SLC25A42: variants seen among roughly 807,000 people sequenced by gnomAD.
The protein encoded by SLC25A42 is solute carrier family 25 member 42, also known as mitochondrial coenzyme A transporter SLC25A42.
A neutral mutation model predicts 34.7 loss-of-function variants in SLC25A42; 19 were observed. That is an observed-to-expected ratio of 0.55 (90% CI 0.38 to 0.80). The LOEUF is 0.80. Among genes scored for constraint, SLC25A42 ranks in the 30% least tolerant of loss-of-function variants. The pLI is 0.00. For synonymous variants in SLC25A42, 205 were observed against 191.2 expected, an observed-to-expected ratio of 1.07 and a Z score of -0.59; for missense variants, 364 against 441.3, an observed-to-expected ratio of 0.82 and a Z score of 1.57.
intron 3 of SLC25A42, among the ~76,000 whole-genome samples, chr19:19,102,743 AAAATAAATAAATAAAT>A (rs140086036): frequency 3.4e-4 from 50 of 148,658 alleles, no homozygotes; most frequent in South Asian, 1.1e-3. Flanking sequence ...CTCTGTCTCA[AAAATAAATAAATAAAT>A]AAATAAATAA....
intron 1 of SLC25A42, among the ~76,000 whole-genome samples, chr19:19,072,003 G>GGTGGTGA (rs2059632993): frequency 6.6e-6 from 1 of 152,372 alleles, no homozygotes; most frequent in East Asian, 1.9e-4. Context: ...GGGCGACCCA[G>GGTGGTGA]GATGAATGAG....
intron 5 of SLC25A42, chr19:19,106,020 C>T (rs1275300798): frequency 1.8e-6 from 1 of 555,138 alleles, no homozygotes; most frequent in African/African-American, 1.9e-5. Flanking sequence ...CCCCCAGGGC[C>T]GTAGGGAAAA....
intron 2 of SLC25A42, among the ~76,000 whole-genome samples, chr19:19,096,420 G>A (rs80341032): frequency 0.041 from 6,192 of 152,088 alleles, 166 homozygotes; most frequent in South Asian, 0.081. Context: ...AGGGTGGAGT[G>A]GTGGAGCCTC....
intron 1 of SLC25A42, among the ~76,000 whole-genome samples, chr19:19,070,489 G>C (rs529744115): frequency 4.6e-5 from 7 of 151,774 alleles, no homozygotes; most frequent in Non-Finnish European, 1.0e-4. Context: ...GTAGAGACAC[G>C]GTTTTGCCAC....
chr19:19,107,671 A>C (rs1186540626), intron 6 of SLC25A42, among the ~76,000 whole-genome samples: 3 of 152,182 alleles, frequency 2.0e-5, no homozygotes, highest in Non-Finnish European at 4.4e-5. Context: ...AGGGCTGAGC[A>C]CTTGCTTCCC....
At chr19:19,082,794 G>A (rs1421638194) in intron 1 of SLC25A42, among the ~76,000 whole-genome samples, 1 of 151,878 alleles carries the variant, frequency 6.6e-6, no homozygotes, top group Non-Finnish European at 1.5e-5. Flanking sequence ...CTACAGGTAT[G>A]TGCCACCAAG....
chr19:19,089,646 T>A (rs2059727512), intron 1 of SLC25A42, among the ~76,000 whole-genome samples: 1 of 151,514 alleles, frequency 6.6e-6, no homozygotes, highest in South Asian at 2.1e-4. Flanking sequence ...GGAGGGTGGA[T>A]CACCTGAGGT....
At chr19:19,110,476 G>A (rs1191565077) in intron 7 of SLC25A42, 93 bp from the exon 8 acceptor site, 2 of 1,071,986 alleles carry the variant, frequency 1.9e-6, no homozygotes, top group African/African-American at 1.7e-5. Flanking sequence ...TGTGCACGCA[G>A]GTTGCTCCTA....
In SLC25A42 at chr19:19,096,104, G is replaced by A. The variant is rs531501610; in HGVS notation, c.-21G>A. ...TTACCCCCCCAGGACCGAGTCTCCT[G>A]CCATTCCGAGCAGGCCTGGTATGGG... On this transcript the variant is annotated 5_prime_UTR_variant, in exon 2 of 8. Transcript: ENST00000318596. 6.8e-6 allele frequency: 11 copies of A among 1,611,304 alleles called. No homozygotes were observed. In the African/African-American group the frequency reaches 1.2e-4, roughly 18 times the overall value.
At position 19,092,200 on chromosome 19, in the gene SLC25A42, A is replaced by G. The variant is rs554242906; in HGVS notation, c.-34-3891A>G. Among the ~76,000 whole-genome samples, 10 of 152,268 alleles carry G rather than the reference A, an allele frequency of 6.6e-5. No individual in the cohort carries two copies. The South Asian group carries it at 2.1e-3, about 32-fold the overall frequency. On this transcript the variant is annotated intron_variant, in intron 1 of 7. Transcript: ENST00000318596. ...GCACTTAGGGCCCACCCTAACCCTCATCTAGAGATCTTGCCTTAATCACAT... is the reference window on the plus strand; with the variant it reads ...GCACTTAGGGCCCACCCTAACCCTCGTCTAGAGATCTTGCCTTAATCACAT...
intron 1 of SLC25A42, among the ~76,000 whole-genome samples, chr19:19,090,726 G>A (rs549431526): frequency 1.3e-5 from 2 of 152,280 alleles, no homozygotes; most frequent in South Asian, 4.2e-4. Context: ...AGCAAGGCCT[G>A]TTTGTTCAGG....
intron 1 of SLC25A42, among the ~76,000 whole-genome samples, chr19:19,070,991 C>CTTTTTTTTTTTTTTTTTTT (rs35787720): frequency 8.5e-6 from 1 of 117,208 alleles, no homozygotes; most frequent in African/African-American, 3.5e-5. Context: ...TGCATACCGT[C>CTTTTTTTTTTTTTTTTTTT]TTTTTTTTTT....
At chr19:19,074,107 C>T (rs1324832761) in intron 1 of SLC25A42, among the ~76,000 whole-genome samples, 1 of 152,218 alleles carries the variant, frequency 6.6e-6, no homozygotes, top group Non-Finnish European at 1.5e-5. Context: ...TAGATAACAT[C>T]TAACGGCCTT....
intron 7 of SLC25A42, among the ~76,000 whole-genome samples, chr19:19,108,795 T>C (rs1021551389): frequency 1.3e-5 from 2 of 152,238 alleles, no homozygotes; most frequent in Non-Finnish European, 2.9e-5. Flanking sequence ...TTTTGTTTTT[T>C]TTCTTTTTTG....
intron 1 of SLC25A42, among the ~76,000 whole-genome samples, chr19:19,070,991 C>CTTTT (rs35787720): frequency 1.4e-4 from 16 of 117,200 alleles, no homozygotes; most frequent in Admixed American, 6.7e-4. Context: ...TGCATACCGT[C>CTTTT]TTTTTTTTTT....
chr19:19,109,321 G>T lies in SLC25A42; in HGVS notation c.650-1248G>T, dbSNP rs945791637. On this transcript the variant is annotated intron_variant, in intron 7 of 7. Transcript: ENST00000318596. The surrounding 1 kb of genome is among the most constrained non-coding windows in gnomAD (Gnocchi z 4.1). ...TGTGTGACTGTAAAACCCCATTTTCGGTGTTTCTCTCTGGAGTGCTTTCCA... is the reference window on the plus strand; with the variant it reads ...TGTGTGACTGTAAAACCCCATTTTCTGTGTTTCTCTCTGGAGTGCTTTCCA... Among the ~76,000 whole-genome samples, 1 of 152,114 alleles carries T rather than the reference G, an allele frequency of 6.6e-6. No individual in the cohort carries two copies. The highest frequency in any genetic ancestry group is 1.5e-5 in the Non-Finnish European group (1 of 68,034).
At chr19:19,089,541 AT>A (rs1186094082) in intron 1 of SLC25A42, among the ~76,000 whole-genome samples, 10 of 149,036 alleles carry the variant, frequency 6.7e-5, no homozygotes, top group African/African-American at 1.7e-4. Flanking sequence ...AAAAATAATA[AT>A]AATAATAATA....
intron 3 of SLC25A42, 88 bp from the exon 4 acceptor site, chr19:19,104,825 C>T: frequency 6.8e-7 from 1 of 1,460,122 alleles, no homozygotes; most frequent in Non-Finnish European, 9.6e-7. Context: ...GAGGGTGACT[C>T]TGCTAGTGGG....
At chr19:19,089,837 C>G (rs1027215716) in intron 1 of SLC25A42, among the ~76,000 whole-genome samples, 1 of 152,046 alleles carries the variant, frequency 6.6e-6, no homozygotes, top group East Asian at 1.9e-4. Flanking sequence ...CCATTGCACT[C>G]CAGCCTGGGT....
Sources: gnomAD v4.1 joint callset for allele counts (sites outside exome capture counted in the v4.1 genomes callset) on GRCh38, gnomAD v4.1.1 for gene constraint, Gnocchi (gnomAD v3.1) non-coding constraint, MANE v1.5 for transcripts, NCBI Gene and HGNC (gene_info 2026-07-23, HGNC 2026-07-21) for gene names.